Variants in CPEB1 observed in about 807,000 individuals in gnomAD.
CPEB1 encodes the protein cytoplasmic polyadenylation element-binding protein 1.
Under a neutral mutation model 65.8 loss-of-function variants are expected in CPEB1, and 7 were observed. That is an observed-to-expected ratio of 0.11 (90% confidence interval 0.06 to 0.20). The LOEUF is 0.20. Among genes scored for constraint, CPEB1 ranks in the 10% least tolerant of loss-of-function variants. The probability of loss-of-function intolerance (pLI) is 1.00; values close to 1 mark genes in which losing one functional copy is unlikely to be tolerated. For missense variants in CPEB1, 551 were observed against 712.2 expected, an observed-to-expected ratio of 0.77 and a Z score of 2.58; for synonymous variants, 262 against 260.0, an observed-to-expected ratio of 1.01 and a Z score of -0.08.
At chr15:82,558,039 A>C in intron 4 of CPEB1, 53 bp from the exon 5 acceptor site, 1 of 1,324,818 alleles carries the variant, frequency 7.5e-7, no homozygotes. Flanking sequence ...TTTGCAGCCA[A>C]CAGCCTCTTT....
At chr15:82,647,994 G>A (rs1227008362), upstream of CPEB1, 2 of 760,154 alleles carry the variant, frequency 2.6e-6, no homozygotes, top group Non-Finnish European at 3.6e-6. Context: ...GGCAGCTTAT[G>A]AAGCTCCTAC....
intron 3 of CPEB1, among the ~76,000 whole-genome samples, chr15:82,610,522 G>GAA (rs554720996): frequency 6.0e-5 from 9 of 149,516 alleles, no homozygotes; most frequent in Non-Finnish European, 1.3e-4. Context: ...TTCATTATAA[G>GAA]AAAAAAAATC....
intron 3 of CPEB1, among the ~76,000 whole-genome samples, chr15:82,626,578 C>CTT (rs1441310448): frequency 3.9e-5 from 6 of 152,210 alleles, no homozygotes; most frequent in Admixed American, 1.3e-4. Flanking sequence ...AAAGAGTCAA[C>CTT]TTCAGGGGAT....
At chr15:82,563,836 T>C (rs17841176) in intron 4 of CPEB1, among the ~76,000 whole-genome samples, 23,561 of 152,074 alleles carry the variant, frequency 0.15, 2,244 homozygotes, top group African/African-American at 0.25. Flanking sequence ...CCATTTTTTT[T>C]TAATGACAGG....
chr15:82,617,724 GTTTTTTTTT>G (rs35267620), intron 3 of CPEB1, among the ~76,000 whole-genome samples: 9 of 83,820 alleles, frequency 1.1e-4, no homozygotes, highest in African/African-American at 2.4e-4. Context: ...TTCTATTAAA[GTTTTTTTTT>G]TTTTTTTTTT....
chr15:82,589,003 T>A (rs564261589), intron 3 of CPEB1, among the ~76,000 whole-genome samples: 1 of 152,212 alleles, frequency 6.6e-6, no homozygotes, highest in Admixed American at 6.5e-5. Context: ...AAATGACTCC[T>A]CTCTCCCCCA....
At chr15:82,586,658 G>A (rs2041829810) in intron 3 of CPEB1, among the ~76,000 whole-genome samples, 1 of 152,162 alleles carries the variant, frequency 6.6e-6, no homozygotes, top group East Asian at 1.9e-4. Flanking sequence ...CAGTTAGTTT[G>A]TATTTCTGTG....
intron 3 of CPEB1, among the ~76,000 whole-genome samples, chr15:82,616,971 A>C (rs2044774584): frequency 6.6e-6 from 1 of 152,200 alleles, no homozygotes; most frequent in Non-Finnish European, 1.5e-5. Context: ...AAACATATCC[A>C]TCTTCCCCAA....
intron 3 of CPEB1, among the ~76,000 whole-genome samples, chr15:82,579,533 C>T (rs578059202): frequency 9.4e-4 from 143 of 152,288 alleles, no homozygotes; most frequent in Non-Finnish European, 1.7e-3. Context: ...TCATCATTAT[C>T]ACCTTTGAGA....
chr15:82,547,197 C>G lies in CPEB1; in HGVS notation c.1521G>C (p.Leu507=). ...CCACAAAAGCAGCGCTGACTGCTTT[C>G]AGGTAACTCCGTTGGTTATTGAAAG... The part of the protein sequence containing the change: ...RVTFNNQRSY[L]KAVSAAFVEI... The change falls in exon 11 of 13, where the codon CTG becomes CTC. Residue 507 remains leucine, a synonymous_variant. Transcript: ENST00000684509. 6.2e-7 allele frequency: 1 copy of G among 1,612,752 alleles called. No individual in the cohort carries two copies. The highest frequency in any genetic ancestry group is 1.7e-5 in the Admixed American group (1 of 59,958).
At chr15:82,549,836 C>T (rs1482895526) in intron 9 of CPEB1, among the ~76,000 whole-genome samples, 178 bp from the exon 10 acceptor site, 1 of 152,166 alleles carries the variant, frequency 6.6e-6, no homozygotes, top group East Asian at 1.9e-4. Context: ...CCTGACTCCA[C>T]CCCAACTGGA....
chr15:82,615,835 G>A (rs1483064831), intron 3 of CPEB1, among the ~76,000 whole-genome samples: 11 of 151,912 alleles, frequency 7.2e-5, no homozygotes, highest in Admixed American at 7.2e-4. Flanking sequence ...TTAACTTCTA[G>A]GTACATACTC....
chr15:82,627,208 G>T lies in CPEB1; in HGVS notation c.256C>A (p.His86Asn). The stretch of plus-strand genomic sequence containing the variant: ...CCTAAATCACCTGGCAAATGATCAT[G>T]AATTCCTCGGTTTATAGGTGTAGTG... ...VCTTPINRGI[H>N]DHLPDFQDSE... Residue 86 changes from histidine (H) to asparagine (N), a missense_variant, in exon 3 of 13, where the codon CAT becomes AAT. Physicochemically the swap from His to Asn is moderately conservative, Grantham distance 68. Around this residue, in one of 6 missense-constraint regions of CPEB1, gnomAD observed 223 missense variants for 228.6 expected, o/e 0.98. Coordinates refer to ENST00000684509, the MANE Select transcript of CPEB1 (RefSeq NM_001365242.1). 2.5e-6 allele frequency: 4 copies of T among 1,611,112 alleles called. No individual in the cohort carries two copies. Among genetic ancestry groups the T allele is most frequent in the Non-Finnish European group, 3.4e-6 (4 of 1,178,808 alleles).
Position 82,556,088 on chromosome 15 carries a change from A to C in CPEB1, c.722T>G (p.Leu241Arg). 3.7e-6 allele frequency: 6 copies of C among 1,610,296 alleles called. No homozygotes were observed. The highest frequency in any genetic ancestry group is 5.1e-6 in the Non-Finnish European group (6 of 1,178,432). Residue 241 changes from leucine to arginine, a missense_variant, in exon 6 of 13, where the codon CTG (leucine) becomes CGG (arginine). Physicochemically the swap from Leu to Arg is moderately radical, Grantham distance 102 (BLOSUM62 -2). Transcript: ENST00000684509. ...SLRISPPLPF[L>R]SLSGGGPRDP... is the part of the protein sequence containing the mutation. ...TCTGGGACCACCCCCTGACAGAGACAGGAAGGGCAGAGGTGGAGAAATGCG... is the reference window on the plus strand; with the variant it reads ...TCTGGGACCACCCCCTGACAGAGACCGGAAGGGCAGAGGTGGAGAAATGCG...
chr15:82,616,537 AT>A (rs35713948), intron 3 of CPEB1, among the ~76,000 whole-genome samples: 1,639 of 137,604 alleles, frequency 0.012, 8 homozygotes, highest in African/African-American at 0.025. Context: ...CTCTTTTTAA[AT>A]TTTTTTTTTT....
chr15:82,625,488 A>C (rs1206375932), intron 3 of CPEB1, among the ~76,000 whole-genome samples: 1 of 152,218 alleles, frequency 6.6e-6, no homozygotes, highest in Non-Finnish European at 1.5e-5. Flanking sequence ...TTTACAACTA[A>C]AAACAGTAGT....
chr15:82,607,772 CA>C (rs954937733), intron 3 of CPEB1, among the ~76,000 whole-genome samples: 6 of 151,932 alleles, frequency 3.9e-5, no homozygotes, highest in African/African-American at 1.2e-4. Flanking sequence ...GTTAATCTAT[CA>C]AAAAAAATTT....
intron 3 of CPEB1, among the ~76,000 whole-genome samples, chr15:82,599,987 C>T (rs953524049): frequency 6.6e-6 from 1 of 151,724 alleles, no homozygotes; most frequent in Non-Finnish European, 1.5e-5. Context: ...ATTACAGAGT[C>T]CCAAAAGAAG....
chr15:82,552,581 C>T lies in CPEB1; in HGVS notation c.1180G>A (p.Val394Ile). ...GAGCAAGCCTGAAGCAAGGATCGGA[C>T]AGACTTCTCTAGTTCGAAGACCAGA... is the stretch of plus-strand genomic sequence containing the variant. ...VYLVFELEKS[V>I]RSLLQACSHD... Residue 394 changes from valine to isoleucine, a missense_variant, in exon 9 of 13, where the codon GTC becomes ATC. Val to Ile is a conservative substitution (Grantham distance 29, BLOSUM62 3). Around this residue, in one of 6 missense-constraint regions of CPEB1, gnomAD observed 99 missense variants for 161.3 expected, o/e 0.61. Coordinates refer to ENST00000684509, the MANE Select transcript of CPEB1 (RefSeq NM_001365242.1). 1.2e-6 allele frequency: 2 copies of T among 1,614,056 alleles called. No homozygotes were observed. The highest frequency in any genetic ancestry group is 2.2e-5 in the South Asian group (2 of 91,074).
Sources: allele counts gnomAD v4.1 joint callset (sites outside exome capture counted in the v4.1 genomes callset), GRCh38; gene constraint gnomAD v4.1.1; regional missense constraint gnomAD v4.1.1; transcripts MANE v1.5; gene names NCBI Gene and HGNC (gene_info 2026-07-23, HGNC 2026-07-21).